The following GTF2A1L variants were observed in gnomAD, a reference collection of about 807,000 sequenced individuals.
The protein encoded by GTF2A1L is TFIIA-alpha and beta-like factor.
GTF2A1L carries 48 observed loss-of-function variants against 49.7 expected under a neutral mutation model. That is an observed-to-expected ratio of 0.97 (90% CI 0.77 to 1.23). GTF2A1L has a LOEUF of 1.23. GTF2A1L is among the 50% of genes most tolerant of loss of function. The pLI is 0.00. For synonymous variants in GTF2A1L, 246 were observed against 193.5 expected, an observed-to-expected ratio of 1.27 and a Z score of -2.25; for missense variants, 736 against 564.8, an observed-to-expected ratio of 1.30 and a Z score of -3.07.
chr2:48,656,939 G>T (rs962241830), intron 6 of GTF2A1L, among the ~76,000 whole-genome samples: 6 of 152,078 alleles, frequency 3.9e-5, no homozygotes, highest in African/African-American at 1.4e-4. Context: ...AAAATGATTT[G>T]TTGAAAAGAC....
intron 6 of GTF2A1L, among the ~76,000 whole-genome samples, chr2:48,650,042 C>T (rs1677757662): frequency 6.6e-6 from 1 of 152,168 alleles, no homozygotes; most frequent in African/African-American, 2.4e-5. Flanking sequence ...CAGTACTTCT[C>T]CACCTAATTT....
At chr2:48,677,700 G>C (rs13023337) in intron 8 of GTF2A1L, among the ~76,000 whole-genome samples, 11,113 of 152,016 alleles carry the variant, frequency 0.073, 479 homozygotes, top group Non-Finnish European at 0.1. Context: ...TAGTTATGAG[G>C]CTATTGTATT....
chr2:48,652,023 T>C (rs973765984), intron 6 of GTF2A1L, among the ~76,000 whole-genome samples: 2 of 152,176 alleles, frequency 1.3e-5, no homozygotes, highest in African/African-American at 2.4e-5. Context: ...CAGATAATCA[T>C]GTGAATTTTT....
chr2:48,672,788 T>C (rs1387944405), intron 8 of GTF2A1L, among the ~76,000 whole-genome samples: 3 of 152,236 alleles, frequency 2.0e-5, no homozygotes, highest in Non-Finnish European at 2.9e-5. Flanking sequence ...ATAATGAACA[T>C]AGTATACAAT....
intron 6 of GTF2A1L, among the ~76,000 whole-genome samples, chr2:48,667,963 T>G (rs567128907): frequency 6.6e-6 from 1 of 152,302 alleles, no homozygotes; most frequent in South Asian, 2.1e-4. Context: ...ACTTCTTGGC[T>G]TCTGTTAGGA....
At chr2:48,667,006 T>G (rs1425753839) in intron 6 of GTF2A1L, among the ~76,000 whole-genome samples, 1 of 152,068 alleles carries the variant, frequency 6.6e-6, no homozygotes, top group Non-Finnish European at 1.5e-5. Flanking sequence ...CTCTGTCACT[T>G]AGGCTGGAGT....
At position 48,621,244 on chromosome 2, in the gene GTF2A1L, T is replaced by G; in HGVS notation, c.201T>G (p.Thr67=). ...FRNSIQSPLF[T]LQLPHSLHQT... ...ATAGCATCCAATCACCTCTGTTTACTCTTCAGTTGCCGCACAGCTTGCACC... is the reference window on the plus strand; with the variant it reads ...ATAGCATCCAATCACCTCTGTTTACGCTTCAGTTGCCGCACAGCTTGCACC... The change falls in exon 3 of 9, where the codon ACT becomes ACG. Residue 67 remains threonine (T), a synonymous_variant. Transcript: ENST00000403751. 3 of 1,614,186 alleles carry G rather than the reference T, an allele frequency of 1.9e-6. No individual in the cohort carries two copies. The highest frequency in any genetic ancestry group is 2.5e-6 in the Non-Finnish European group (3 of 1,180,010).
intron 6 of GTF2A1L, among the ~76,000 whole-genome samples, chr2:48,663,463 C>G (rs1238044596): frequency 1.3e-5 from 2 of 152,004 alleles, no homozygotes; most frequent in Admixed American, 1.3e-4. Flanking sequence ...CTCAATCAAT[C>G]AAAACTGAAA....
intron 6 of GTF2A1L, among the ~76,000 whole-genome samples, chr2:48,667,115 A>T (rs1358122693): frequency 2.1e-5 from 3 of 142,926 alleles, no homozygotes; most frequent in Non-Finnish European, 3.0e-5. Context: ...CTCCCAGCTA[A>T]TTTTTTTTTT....
chr2:48,642,348 T>G, intron 3 of GTF2A1L, 54 bp from the exon 4 acceptor site: 1 of 1,455,004 alleles, frequency 6.9e-7, no homozygotes, highest in South Asian at 1.5e-5. Flanking sequence ...ATTTAGTGAT[T>G]TTATTAAATT....
chr2:48,671,231 C>T (rs1679146395), intron 7 of GTF2A1L, among the ~76,000 whole-genome samples: 1 of 152,078 alleles, frequency 6.6e-6, no homozygotes, highest in Non-Finnish European at 1.5e-5. Flanking sequence ...GAGATGGAGT[C>T]TCGCTCTGTC....
intron 3 of GTF2A1L, among the ~76,000 whole-genome samples, chr2:48,625,711 TA>T (rs1241827391): frequency 7.0e-6 from 1 of 142,788 alleles, no homozygotes; most frequent in Non-Finnish European, 1.6e-5. Flanking sequence ...ACTTCATGAG[TA>T]ACTGGGACTA....
intron 3 of GTF2A1L, among the ~76,000 whole-genome samples, chr2:48,628,299 A>T (rs1196593764): frequency 6.9e-6 from 1 of 144,276 alleles, no homozygotes; most frequent in African/African-American, 2.5e-5. Flanking sequence ...GGAAATCTCC[A>T]AACTGTTGTC....
intron 6 of GTF2A1L, among the ~76,000 whole-genome samples, chr2:48,656,555 T>A (rs903521295): frequency 4.6e-5 from 7 of 151,998 alleles, no homozygotes; most frequent in Admixed American, 3.9e-4. Context: ...GTTTGCTCTG[T>A]TGTTGTTGAC....
chr2:48,668,204 A>G (rs1049542549), intron 6 of GTF2A1L, among the ~76,000 whole-genome samples: 2 of 152,194 alleles, frequency 1.3e-5, no homozygotes, highest in Admixed American at 6.5e-5. Flanking sequence ...CTGATTGTAA[A>G]GGATGGAAAG....
At chr2:48,659,134 T>A (rs1608567) in intron 6 of GTF2A1L, among the ~76,000 whole-genome samples, 148,710 of 152,250 alleles carry the variant, frequency 0.98, 72,648 homozygotes, top group East Asian at 1. Context: ...ATTAGCAGTG[T>A]CCTTCCATAG....
chr2:48,618,709 A>C (rs1414019103), intron 1 of GTF2A1L, among the ~76,000 whole-genome samples: 1 of 152,204 alleles, frequency 6.6e-6, no homozygotes, highest in Non-Finnish European at 1.5e-5. Context: ...ACTCTGCCTG[A>C]ATATAAGGTT....
intron 3 of GTF2A1L, among the ~76,000 whole-genome samples, chr2:48,624,307 A>G (rs1301781823): frequency 6.9e-6 from 1 of 144,716 alleles, no homozygotes; most frequent in East Asian, 1.9e-4. Context: ...TATATTTATG[A>G]GTAATAATTC....
At chr2:48,643,237 C>T (rs1384970768) in intron 4 of GTF2A1L, among the ~76,000 whole-genome samples, 1 of 152,034 alleles carries the variant, frequency 6.6e-6, no homozygotes, top group Non-Finnish European at 1.5e-5. Context: ...CCCCTTAGTA[C>T]TTGAAGGCAG....
Sources: gnomAD v4.1 joint callset for allele counts (sites outside exome capture counted in the v4.1 genomes callset) on GRCh38, gnomAD v4.1.1 for gene constraint, MANE v1.5 for transcripts, NCBI Gene and HGNC (gene_info 2026-07-23, HGNC 2026-07-21) for gene names.